The following MRPL1 variants were observed in gnomAD, a reference collection of about 807,000 sequenced individuals.
MRPL1 encodes mitochondrial ribosomal protein L1, also known as large ribosomal subunit protein uL1m.
A neutral mutation model predicts 38.0 loss-of-function variants in MRPL1; 28 were observed. That is an observed-to-expected ratio of 0.74 (90% CI 0.55 to 1.01). The LOEUF (loss-of-function observed/expected upper bound fraction) is 1.01. Ranked by LOEUF, MRPL1 falls within the 50% of genes least tolerant of loss-of-function variation. MRPL1 has a pLI of 0.00. For missense variants in MRPL1, 358 were observed against 389.8 expected (o/e 0.92, Z 0.69); for synonymous variants, 123 against 126.7 (o/e 0.97, Z 0.20).
At chr4:77,928,792 A>AG (rs1736779306) in intron 7 of MRPL1, among the ~76,000 whole-genome samples, 1 of 151,852 alleles carries the variant, frequency 6.6e-6, no homozygotes, top group Non-Finnish European at 1.5e-5. Flanking sequence ...ATCAAAAACT[A>AG]TTTTTGATCA....
At chr4:77,890,975 GT>G (rs1560463579) in intron 5 of MRPL1, among the ~76,000 whole-genome samples, 1 of 151,942 alleles carries the variant, frequency 6.6e-6, no homozygotes, top group Non-Finnish European at 1.5e-5. Flanking sequence ...CTCATAGTTT[GT>G]TTTTTTCCCA....
intron 7 of MRPL1, among the ~76,000 whole-genome samples, chr4:77,939,777 A>C (rs574594124): frequency 7.7e-4 from 118 of 152,336 alleles, no homozygotes; most frequent in Non-Finnish European, 1.5e-3. Flanking sequence ...CAGTTATCCC[A>C]GCACTATTTG....
chr4:77,946,721 A>C (rs1737278032), intron 7 of MRPL1, among the ~76,000 whole-genome samples: 1 of 152,196 alleles, frequency 6.6e-6, no homozygotes, highest in Non-Finnish European at 1.5e-5. Flanking sequence ...AACAATCCTT[A>C]GTCCTCCAAA....
At chr4:77,874,219 C>A (rs1222109884) in intron 2 of MRPL1, among the ~76,000 whole-genome samples, 2 of 152,112 alleles carry the variant, frequency 1.3e-5, no homozygotes, top group Non-Finnish European at 2.9e-5. Context: ...AACTCCTGAC[C>A]TTGTGATCTG....
chr4:77,931,664 T>C (rs1736849216), intron 7 of MRPL1, among the ~76,000 whole-genome samples: 1 of 152,192 alleles, frequency 6.6e-6, no homozygotes, highest in Non-Finnish European at 1.5e-5. Flanking sequence ...TGATTACACA[T>C]CAGGAAAACT....
chr4:77,943,989 T>C (rs1049534548), intron 7 of MRPL1, among the ~76,000 whole-genome samples: 2 of 152,168 alleles, frequency 1.3e-5, no homozygotes, highest in African/African-American at 4.8e-5. Flanking sequence ...CACAATTGTT[T>C]TTCTGATTTC....
At chr4:77,869,142 A>G (rs562177863) in intron 1 of MRPL1, among the ~76,000 whole-genome samples, 1 of 152,312 alleles carries the variant, frequency 6.6e-6, no homozygotes, top group Admixed American at 6.5e-5. Context: ...AGTGAGGATT[A>G]TAGAGTCAGG....
At chr4:77,895,437 A>G (rs558229951) in intron 6 of MRPL1, among the ~76,000 whole-genome samples, 1 of 152,248 alleles carries the variant, frequency 6.6e-6, no homozygotes, top group South Asian at 2.1e-4. Flanking sequence ...AAGTGTTATC[A>G]TTAATGGAAA....
At chr4:77,899,153 C>T (rs1414853496) in intron 6 of MRPL1, among the ~76,000 whole-genome samples, 1 of 149,996 alleles carries the variant, frequency 6.7e-6, no homozygotes, top group East Asian at 2.0e-4. Flanking sequence ...GCTGCCACGC[C>T]TGGCTCATTT....
chr4:77,918,572 A>G (rs1199180113), intron 7 of MRPL1, among the ~76,000 whole-genome samples: 2 of 152,204 alleles, frequency 1.3e-5, no homozygotes, highest in African/African-American at 4.8e-5. Flanking sequence ...CCCATGGTCC[A>G]TAGCTTAGTC....
intron 7 of MRPL1, 61 bp from the exon 8 acceptor site, chr4:77,949,736 G>T: frequency 8.4e-7 from 1 of 1,187,396 alleles, no homozygotes; most frequent in South Asian, 1.4e-5. Flanking sequence ...AAATAGTCTA[G>T]AATAATTTAT....
At chr4:77,912,781 A>G (rs1736319223) in intron 7 of MRPL1, among the ~76,000 whole-genome samples, 1 of 152,174 alleles carries the variant, frequency 6.6e-6, no homozygotes, top group African/African-American at 2.4e-5. Context: ...TTGGAAGTCT[A>G]CCTGATTTCA....
intron 7 of MRPL1, among the ~76,000 whole-genome samples, chr4:77,915,227 T>C (rs1736393094): frequency 6.6e-6 from 1 of 152,202 alleles, no homozygotes; most frequent in Non-Finnish European, 1.5e-5. Context: ...TTTATAGTTT[T>C]CCTTCTGTAT....
chr4:77,910,983 A>G (rs2110248884), intron 7 of MRPL1, among the ~76,000 whole-genome samples: 1 of 152,314 alleles, frequency 6.6e-6, no homozygotes, highest in Admixed American at 6.5e-5. Flanking sequence ...CATAAAATAC[A>G]AATTTTAAGA....
chr4:77,928,770 G>A (rs1188402007), intron 7 of MRPL1, among the ~76,000 whole-genome samples: 1 of 151,910 alleles, frequency 6.6e-6, no homozygotes, highest in Non-Finnish European at 1.5e-5. Flanking sequence ...TACATCATTT[G>A]AATTATTTTT....
At chr4:77,898,357 T>C (rs1735963692) in intron 6 of MRPL1, among the ~76,000 whole-genome samples, 1 of 151,958 alleles carries the variant, frequency 6.6e-6, no homozygotes, top group Non-Finnish European at 1.5e-5. Context: ...GCCTAGAGTA[T>C]AGTACCTGGA....
At chr4:77,931,761 A>C (rs990073292) in intron 7 of MRPL1, among the ~76,000 whole-genome samples, 5 of 152,238 alleles carry the variant, frequency 3.3e-5, no homozygotes, top group Admixed American at 6.5e-5. Flanking sequence ...TAGGTAAAAG[A>C]GGTCACTTCT....
At chr4:77,865,825 G>A (rs1359365595) in intron 1 of MRPL1, among the ~76,000 whole-genome samples, 1 of 152,138 alleles carries the variant, frequency 6.6e-6, no homozygotes, top group African/African-American at 2.4e-5. Flanking sequence ...ACAGTCTACT[G>A]TCAATGAGTA....
chr4:77,887,116 A>G, intron 4 of MRPL1, 104 bp from the exon 5 acceptor site: 5 of 937,950 alleles, frequency 5.3e-6, no homozygotes, highest in Non-Finnish European at 8.4e-6. Context: ...TAAAAGCTAC[A>G]ATTTGTACTT....
Sources: gnomAD v4.1 joint callset for allele counts (sites outside exome capture counted in the v4.1 genomes callset) on GRCh38, gnomAD v4.1.1 for gene constraint, MANE v1.5 for transcripts, NCBI Gene and HGNC (gene_info 2026-07-23, HGNC 2026-07-21) for gene names.